Variants in CAMTA1 observed in about 807,000 individuals in gnomAD.
CAMTA1 encodes the protein calmodulin binding transcription activator 1.
In CAMTA1, 27 loss-of-function variants were observed where a neutral mutation model predicts 170.9. The ratio of observed to expected loss-of-function variants is 0.16; its 90% confidence interval spans 0.12 to 0.22. CAMTA1 has a LOEUF of 0.22. Among genes scored for constraint, CAMTA1 ranks in the 10% least tolerant of loss-of-function variants. The pLI, the probability that CAMTA1 is intolerant of heterozygous loss-of-function variation, is 1.00. For synonymous variants in CAMTA1, 833 were observed against 891.5 expected (o/e 0.93, Z 1.17); for missense variants, 1,619 against 2,217.2 (o/e 0.73, Z 5.42).
intron 3 of CAMTA1, among the ~76,000 whole-genome samples, chr1:6,838,071 C>T (rs1334357823): frequency 6.6e-6 from 1 of 152,138 alleles, no homozygotes; most frequent in African/African-American, 2.4e-5. Context: ...TAAGTATATA[C>T]AATAGTCCCT....
At chr1:7,169,761 A>G (rs1417626577) in intron 4 of CAMTA1, among the ~76,000 whole-genome samples, 4 of 152,226 alleles carry the variant, frequency 2.6e-5, no homozygotes, top group Non-Finnish European at 4.4e-5. Context: ...AGCTGGGCTC[A>G]AGTGATCTGC....
chr1:7,375,105 T>TG (rs1409121486), intron 5 of CAMTA1, among the ~76,000 whole-genome samples: 2 of 152,176 alleles, frequency 1.3e-5, no homozygotes, highest in Admixed American at 1.3e-4. Flanking sequence ...CTGCATCCCC[T>TG]GGGGTTGTCT....
intron 3 of CAMTA1, among the ~76,000 whole-genome samples, chr1:6,979,759 C>G (rs947001052): frequency 1.3e-5 from 2 of 152,024 alleles, no homozygotes; most frequent in African/African-American, 4.8e-5. Context: ...GGAGAGGACC[C>G]CCAGTGCTTG....
At chr1:6,799,711 A>G (rs1471795855) in intron 1 of CAMTA1, among the ~76,000 whole-genome samples, 1 of 152,182 alleles carries the variant, frequency 6.6e-6, no homozygotes, top group Non-Finnish European at 1.5e-5. Context: ...ATTAATAGCA[A>G]TAACTAATGA....
intron 6 of CAMTA1, among the ~76,000 whole-genome samples, chr1:7,591,852 A>G (rs1389261193): frequency 6.6e-6 from 1 of 152,086 alleles, no homozygotes; most frequent in Non-Finnish European, 1.5e-5. Context: ...ACGCCTCCCT[A>G]GACTTGTGTG....
chr1:6,983,669 G>C (rs1448573406), intron 3 of CAMTA1, among the ~76,000 whole-genome samples: 4 of 151,376 alleles, frequency 2.6e-5, no homozygotes, highest in Admixed American at 2.6e-4. Context: ...TCAATAATTG[G>C]ATCTATTATT....
intron 4 of CAMTA1, among the ~76,000 whole-genome samples, chr1:7,218,990 C>T (rs571711333): frequency 1.4e-4 from 22 of 152,202 alleles, no homozygotes; most frequent in South Asian, 8.3e-4. Context: ...TTTTAGGAGA[C>T]GTGTGCAGTT....
chr1:7,333,693 C>T lies in CAMTA1; in HGVS notation c.438+84067C>T, dbSNP rs978749217. Among the ~76,000 whole-genome samples, 6 of 152,186 alleles carry T rather than the reference C, an allele frequency of 3.9e-5. No individual in the cohort carries two copies. Among genetic ancestry groups the T allele is most frequent in the Non-Finnish European group, 7.3e-5 (5 of 68,038 alleles). The stretch of plus-strand genomic sequence containing the variant: ...GTTGCAGATTCTCCAATAAGCATCC[C>T]GGTGATCTGTGTGCCTTGCAGGGGC... On this transcript the variant is annotated intron_variant, in intron 5 of 22. Transcript: ENST00000303635. The surrounding 1 kb of genome is among the most constrained non-coding windows in gnomAD (Gnocchi z 4.4).
intron 4 of CAMTA1, among the ~76,000 whole-genome samples, chr1:7,200,784 A>G (rs138327739): frequency 4.0e-4 from 61 of 152,290 alleles, no homozygotes; most frequent in African/African-American, 1.4e-3. Flanking sequence ...TCTCTACTGG[A>G]AAGTACTGTT....
intron 4 of CAMTA1, among the ~76,000 whole-genome samples, chr1:7,177,458 C>G: frequency 6.7e-6 from 1 of 150,160 alleles, no homozygotes; most frequent in Non-Finnish European, 1.5e-5. Flanking sequence ...GAGGCCCCTC[C>G]CACACCCTGA....
In CAMTA1 at chr1:7,712,865, G is replaced by T. The variant is rs1577111305; in HGVS notation, c.2915-19583G>T. Among the ~76,000 whole-genome samples, 6 of 152,254 alleles carry T rather than the reference G, an allele frequency of 3.9e-5. No homozygotes were observed. In the South Asian group the frequency reaches 1.2e-3, roughly 32 times the overall value. On this transcript the variant is annotated intron_variant, in intron 11 of 22. Coordinates refer to ENST00000303635, the MANE Select transcript of CAMTA1 (RefSeq NM_015215.4). ...GGCACGTCTTAACATGGCAGCAGGC[G>T]AGAGGACGTGTGCAGGGGAATTGCC...
chr1:7,390,612 C>T (rs2088590022), intron 5 of CAMTA1, among the ~76,000 whole-genome samples: 1 of 152,246 alleles, frequency 6.6e-6, no homozygotes, highest in Non-Finnish European at 1.5e-5. Context: ...GCTGTTCAGA[C>T]ACCCAGGCTG....
chr1:7,129,189 C>G (rs1390304645), intron 4 of CAMTA1, among the ~76,000 whole-genome samples: 1 of 152,140 alleles, frequency 6.6e-6, no homozygotes, highest in African/African-American at 2.4e-5. Context: ...CAGGCTCCCA[C>G]AGCTGGTATG....
At chr1:7,096,328 A>G (rs1179518871) in intron 4 of CAMTA1, among the ~76,000 whole-genome samples, 15 of 152,082 alleles carry the variant, frequency 9.9e-5, no homozygotes, top group African/African-American at 7.2e-5. Context: ...GGTGGTGGAC[A>G]TCAAACTGTG....
rs1575253378 is a variant in CAMTA1, at chr1:7,426,134, A to C, written c.439-41696A>C. On this transcript the variant is annotated intron_variant, in intron 5 of 22. Coordinates refer to ENST00000303635, the MANE Select transcript of CAMTA1 (RefSeq NM_015215.4). This position sits in a 1 kb window ranked among gnomAD's most constrained non-coding sequence, Gnocchi z 4.8. Reference sequence around the variant, plus strand: ...TAGTCCCATCAGCCACCCCATCTCTAAACACTTCTGAGCAGATTACCTTTC... The same window carrying C: ...TAGTCCCATCAGCCACCCCATCTCTCAACACTTCTGAGCAGATTACCTTTC... Among the ~76,000 whole-genome samples, 2 of 151,784 alleles carry C rather than the reference A, an allele frequency of 1.3e-5. No homozygotes were observed. The highest frequency in any genetic ancestry group is 3.9e-4 in the East Asian group (2 of 5,184).
chr1:7,093,964 C>T lies in CAMTA1; in HGVS notation c.302+2593C>T, dbSNP rs1452791100. ...GAATGTGGTCACGTTTCTGATTCTGCTTCCCATGCCGTCGGGTCTGTCCAT... is the reference window on the plus strand; with the variant it reads ...GAATGTGGTCACGTTTCTGATTCTGTTTCCCATGCCGTCGGGTCTGTCCAT... On this transcript the variant is annotated intron_variant, in intron 4 of 22. Coordinates refer to ENST00000303635, the MANE Select transcript of CAMTA1 (RefSeq NM_015215.4). This position sits in a 1 kb window ranked among gnomAD's most constrained non-coding sequence, Gnocchi z 4.6. Among the ~76,000 whole-genome samples the T allele has an allele frequency of 6.6e-6, 1 of 152,224 alleles. No homozygotes were observed.
Position 7,744,987 on chromosome 1 carries a change from G to A in CAMTA1, c.4335G>A (p.Ala1445=), listed in dbSNP as rs746209728. Residue 1445 remains alanine, a synonymous_variant, in exon 17 of 23, where the codon GCG becomes GCA. Coordinates refer to ENST00000303635, the MANE Select transcript of CAMTA1 (RefSeq NM_015215.4). ...TGAGCTGGCTGGCCAGTTATCTAGC[G>A]GATGCTGACTGCCTTCCCAGTGCTG... ...STMSWLASYL[A]DADCLPSAAQ... is the part of the protein sequence containing the mutation. The A allele has an allele frequency of 7.4e-6, 12 of 1,613,842 alleles. No homozygotes were observed. Among genetic ancestry groups the A allele is most frequent in the Admixed American group, 5.0e-5 (3 of 59,984 alleles).
At chr1:7,529,996 C>T (rs1223210440) in intron 6 of CAMTA1, among the ~76,000 whole-genome samples, 2 of 152,200 alleles carry the variant, frequency 1.3e-5, no homozygotes, top group African/African-American at 2.4e-5. Flanking sequence ...TGCTCCCCTG[C>T]CACCGACCAG....
intron 6 of CAMTA1, among the ~76,000 whole-genome samples, chr1:7,632,010 C>T (rs963158872): frequency 5.3e-5 from 8 of 152,016 alleles, no homozygotes; most frequent in Admixed American, 1.3e-4. Flanking sequence ...CACCCAGTGT[C>T]GCCCAGTGTC....
Sources: gnomAD v4.1 joint callset for allele counts (sites outside exome capture counted in the v4.1 genomes callset) on GRCh38, gnomAD v4.1.1 for gene constraint, Gnocchi (gnomAD v3.1) non-coding constraint, MANE v1.5 for transcripts, NCBI Gene and HGNC (gene_info 2026-07-23, HGNC 2026-07-21) for gene names.